Variants in SPON1 observed in about 807,000 individuals in gnomAD.
SPON1 encodes the protein spondin-1.
A neutral mutation model predicts 111.7 loss-of-function variants in SPON1; 52 were observed. The observed-to-expected ratio is 0.47, with a 90% confidence interval of 0.37 to 0.59. The LOEUF (loss-of-function observed/expected upper bound fraction) is 0.59. Among genes scored for constraint, SPON1 ranks in the 20% least tolerant of loss-of-function variants. The probability of loss-of-function intolerance (pLI) is 0.00; values close to 1 mark genes in which losing one functional copy is unlikely to be tolerated. For synonymous variants in SPON1, 410 were observed against 395.8 expected, an observed-to-expected ratio of 1.04 and a Z score of -0.43; for missense variants, 957 against 1,068.5, an observed-to-expected ratio of 0.90 and a Z score of 1.46.
At chr11:14,155,432 T>C (rs7478740) in intron 6 of SPON1, among the ~76,000 whole-genome samples, 1 of 151,908 alleles carries the variant, frequency 6.6e-6, no homozygotes, top group Non-Finnish European at 1.5e-5. Context: ...GAAACTGACA[T>C]GTCCTACATG....
At chr11:14,167,648 A>C (rs1276575090) in intron 6 of SPON1, among the ~76,000 whole-genome samples, 2 of 152,148 alleles carry the variant, frequency 1.3e-5, no homozygotes, top group Non-Finnish European at 2.9e-5. Flanking sequence ...ATCCAGTTTT[A>C]ATTAATTTGG....
intron 3 of SPON1, among the ~76,000 whole-genome samples, chr11:14,051,554 G>A (rs1213294560): frequency 6.6e-6 from 1 of 151,482 alleles, no homozygotes; most frequent in Non-Finnish European, 1.5e-5. Context: ...AAAAAAGAGA[G>A]ACAGGGCTTC....
chr11:14,073,745 A>G (rs1329239903), intron 3 of SPON1, among the ~76,000 whole-genome samples: 4 of 152,152 alleles, frequency 2.6e-5, no homozygotes, highest in South Asian at 2.1e-4. Flanking sequence ...TTCTCCTACT[A>G]TGCTGTAAAC....
At chr11:14,041,405 G>C in intron 2 of SPON1, 116 bp from the exon 3 acceptor site, 1 of 1,250,306 alleles carries the variant, frequency 8.0e-7, no homozygotes, top group Non-Finnish European at 1.1e-6. Context: ...GGGATACAGA[G>C]TTGCTAACAT....
intron 5 of SPON1, among the ~76,000 whole-genome samples, chr11:14,086,350 C>T: frequency 6.6e-6 from 1 of 152,098 alleles, no homozygotes. Context: ...GAGTTTTTAG[C>T]ATGAAGCAGT....
intron 6 of SPON1, among the ~76,000 whole-genome samples, chr11:14,204,714 T>G (rs1848499291): frequency 1.3e-5 from 2 of 152,018 alleles, no homozygotes; most frequent in African/African-American, 4.8e-5. Context: ...TTTTTGGTTT[T>G]TTTTTTGTTT....
chr11:14,154,321 A>G (rs1164515227), intron 6 of SPON1, among the ~76,000 whole-genome samples: 1 of 152,202 alleles, frequency 6.6e-6, no homozygotes, highest in Non-Finnish European at 1.5e-5. Context: ...AGGTGTTTCC[A>G]TACATCCTCT....
At chr11:14,084,859 T>C (rs1267701679) in intron 5 of SPON1, among the ~76,000 whole-genome samples, 1 of 152,250 alleles carries the variant, frequency 6.6e-6, no homozygotes, top group Non-Finnish European at 1.5e-5. Context: ...CATGAGATGG[T>C]ATCTCATTGT....
chr11:14,161,021 A>ATATATATTTATATATATC (rs1253677119), intron 6 of SPON1, among the ~76,000 whole-genome samples: 1 of 36,500 alleles, frequency 2.7e-5, no homozygotes, highest in African/African-American at 1.0e-4. Flanking sequence ...TTATATATCT[A>ATATATATTTATATATATC]TATATATTTA....
chr11:14,257,074 A>G (rs183221243), intron 10 of SPON1, among the ~76,000 whole-genome samples: 1 of 152,224 alleles, frequency 6.6e-6, no homozygotes, highest in East Asian at 1.9e-4. Context: ...ATCAGGAGGG[A>G]GCGACAGAGT....
chr11:14,244,379 G>A (rs547802330), intron 7 of SPON1, among the ~76,000 whole-genome samples: 1 of 152,220 alleles, frequency 6.6e-6, no homozygotes, highest in South Asian at 2.1e-4. Flanking sequence ...TTAGCTGGGT[G>A]TGGTGGCACG....
chr11:13,992,391 C>T (rs1259343560), intron 2 of SPON1, among the ~76,000 whole-genome samples: 16 of 152,138 alleles, frequency 1.1e-4, no homozygotes, highest in Non-Finnish European at 1.8e-4. Context: ...TCAGGAATGG[C>T]GGACGCCCCT....
In SPON1 at chr11:14,260,740, C is replaced by G. The variant is rs34612495; in HGVS notation, c.1984C>G (p.Leu662Val). The change falls in exon 14 of 16, where the codon CTC (leucine) becomes GTC (valine). Residue 662 changes from leucine to valine, a missense_variant. Physicochemically the swap from Leu to Val is conservative, Grantham distance 32. This residue lies in a region of SPON1 where 549 missense variants were observed against 606.2 expected (regional missense o/e 0.91). Coordinates refer to ENST00000576479, the MANE Select transcript of SPON1 (RefSeq NM_006108.4). ...TCTGGAGCAGGTGGAGAAGTGCATG[C>G]TCCCTGAATGCCGTAAGTCCTGGAG... is the stretch of plus-strand genomic sequence containing the variant. The part of the protein sequence containing the change: ...EDLEQVEKCM[L>V]PECPIDCELT... 1.6e-4 allele frequency: 256 copies of G among 1,613,546 alleles called. 1 individual carries two copies. The African/African-American group carries it at 3.0e-3, about 19-fold the overall frequency.
intron 7 of SPON1, among the ~76,000 whole-genome samples, chr11:14,246,587 G>C (rs1848992684): frequency 6.6e-6 from 1 of 152,054 alleles, no homozygotes; most frequent in Non-Finnish European, 1.5e-5. Context: ...ACACCAAATG[G>C]TCTCACACCT....
intron 5 of SPON1, among the ~76,000 whole-genome samples, chr11:14,109,931 A>G (rs143561420): frequency 6.6e-6 from 1 of 152,364 alleles, no homozygotes; most frequent in Non-Finnish European, 1.5e-5. Flanking sequence ...GGGATCCATC[A>G]GCATCCTGCC....
intron 6 of SPON1, among the ~76,000 whole-genome samples, chr11:14,215,036 C>T (rs1848612410): frequency 1.3e-5 from 2 of 151,996 alleles, no homozygotes; most frequent in Admixed American, 1.3e-4. Context: ...TCTACTCTGC[C>T]TTTTTTATGT....
At chr11:14,230,320 ATGT>A (rs1848784855) in intron 6 of SPON1, among the ~76,000 whole-genome samples, 1 of 152,176 alleles carries the variant, frequency 6.6e-6, no homozygotes, top group African/African-American at 2.4e-5. Context: ...ATGAAGTGAA[ATGT>A]TATTACATTT....
At chr11:13,977,559 T>C (rs908311491) in intron 1 of SPON1, among the ~76,000 whole-genome samples, 4 of 152,216 alleles carry the variant, frequency 2.6e-5, no homozygotes, top group Non-Finnish European at 4.4e-5. Context: ...TGATCTGAAA[T>C]AGTTCTTTAT....
At chr11:13,968,090 G>A (rs782283425) in intron 1 of SPON1, among the ~76,000 whole-genome samples, 21 of 152,174 alleles carry the variant, frequency 1.4e-4, no homozygotes, top group Non-Finnish European at 2.8e-4. Flanking sequence ...TGGTATATCA[G>A]GAGCTTTTCA....
Sources: allele counts gnomAD v4.1 joint callset (sites outside exome capture counted in the v4.1 genomes callset), GRCh38; gene constraint gnomAD v4.1.1; regional missense constraint gnomAD v4.1.1; transcripts MANE v1.5; gene names NCBI Gene and HGNC (gene_info 2026-07-23, HGNC 2026-07-21).